The following EGFLAM variants were observed in gnomAD, a reference collection of about 807,000 sequenced individuals.
EGFLAM encodes the protein EGF like, fibronectin type III and laminin G domains.
A neutral mutation model predicts 113.1 loss-of-function variants in EGFLAM; 79 were observed. The ratio of observed to expected loss-of-function variants is 0.70; its 90% CI spans 0.58 to 0.84. The LOEUF is 0.84. Among genes scored for constraint, EGFLAM ranks in the 40% least tolerant of loss-of-function variants. The pLI is 0.00. For synonymous variants in EGFLAM, 504 were observed against 487.6 expected (o/e 1.03, Z -0.44); for missense variants, 1,265 against 1,291.6 (o/e 0.98, Z 0.32).
chr5:38,402,096 A>G (rs1011035738), intron 6 of EGFLAM: 2 of 152,192 alleles, frequency 1.3e-5, no homozygotes, highest in Admixed American at 1.3e-4. Context: ...GTGTAAGGAG[A>G]TAGGAGTGGG....
chr5:38,394,582 T>A (rs1740905470), intron 6 of EGFLAM, among the ~76,000 whole-genome samples: 1 of 151,924 alleles, frequency 6.6e-6, no homozygotes, highest in African/African-American at 2.4e-5. Context: ...GCTAATTTTT[T>A]GTATTTTTAG....
At chr5:38,383,939 A>G (rs1301745910) in intron 6 of EGFLAM, among the ~76,000 whole-genome samples, 1 of 152,082 alleles carries the variant, frequency 6.6e-6, no homozygotes, top group Non-Finnish European at 1.5e-5. Context: ...AATGATAGGA[A>G]GTGAGGTCAG....
intron 6 of EGFLAM, among the ~76,000 whole-genome samples, chr5:38,386,642 G>T (rs1160659987): frequency 6.6e-6 from 1 of 152,202 alleles, no homozygotes; most frequent in Non-Finnish European, 1.5e-5. Flanking sequence ...AAGTAGCTGG[G>T]ACTACAGGCA....
At chr5:38,389,709 C>A (rs997358184) in intron 6 of EGFLAM, among the ~76,000 whole-genome samples, 1 of 151,944 alleles carries the variant, frequency 6.6e-6, no homozygotes, top group African/African-American at 2.4e-5. Flanking sequence ...ATTTTTGTTT[C>A]CATTATTCTG....
rs1325976237 is a variant in EGFLAM, at chr5:38,451,426, C to T, written c.2655C>T (p.Ser885=). 6.2e-7 allele frequency: 1 copy of T among 1,614,096 alleles called. No homozygotes were observed. Among genetic ancestry groups the T allele is most frequent in the Non-Finnish European group, 8.5e-7 (1 of 1,180,050 alleles). ...TGAGACCCAACAGCGACTTCATTTC[C>T]TTGGGCCTTCGGGATGGAGCCCTCG... The part of the protein sequence containing the change: ...SPMRPNSDFI[S]LGLRDGALVF... Residue 885 remains serine (S), a synonymous_variant, in exon 19 of 22, where the codon TCC becomes TCT. Coordinates refer to ENST00000322350, the MANE Select transcript of EGFLAM (RefSeq NM_152403.4).
chr5:38,258,922 A>T, intron 1 of EGFLAM, 71 bp downstream of exon 1: 1 of 1,480,824 alleles, frequency 6.8e-7, no homozygotes, highest in Non-Finnish European at 9.1e-7. Flanking sequence ...GAGGACACAG[A>T]GCGGGCAGCG....
At chr5:38,385,772 C>G (rs1332861361) in intron 6 of EGFLAM, among the ~76,000 whole-genome samples, 1 of 152,170 alleles carries the variant, frequency 6.6e-6, no homozygotes, top group African/African-American at 2.4e-5. Context: ...CACTAATGGG[C>G]TTAAAATCTG....
intron 14 of EGFLAM, among the ~76,000 whole-genome samples, chr5:38,428,587 C>CT (rs1742090249): frequency 6.6e-6 from 1 of 152,216 alleles, no homozygotes; most frequent in Non-Finnish European, 1.5e-5. Context: ...TCACCTTGCA[C>CT]TTTTAAATGG....
Position 38,386,164 on chromosome 5 carries a change from G to A in EGFLAM, c.712+15702G>A, listed in dbSNP as rs542047527. ...ATGTAAGGATACTGAATAAAGTAAGGGTGTATTAGGTATGCAAGTTACCAA... is the reference window on the plus strand; with the variant it reads ...ATGTAAGGATACTGAATAAAGTAAGAGTGTATTAGGTATGCAAGTTACCAA... On this transcript the variant is annotated intron_variant, in intron 6 of 21. Coordinates refer to ENST00000322350, the MANE Select transcript of EGFLAM (RefSeq NM_152403.4). Among the ~76,000 whole-genome samples, 12 of 152,274 alleles carry A rather than the reference G, an allele frequency of 7.9e-5. No individual in the cohort carries two copies. The South Asian group carries it at 2.1e-3, about 26-fold the overall frequency.
At chr5:38,267,211 CTT>C (rs1233845844) in intron 1 of EGFLAM, among the ~76,000 whole-genome samples, 1 of 152,156 alleles carries the variant, frequency 6.6e-6, no homozygotes, top group African/African-American at 2.4e-5. Flanking sequence ...AATTTTAACA[CTT>C]GTGTTTGCTG....
intron 6 of EGFLAM, among the ~76,000 whole-genome samples, chr5:38,391,688 C>T (rs1026180946): frequency 2.6e-5 from 4 of 152,154 alleles, no homozygotes; most frequent in Admixed American, 6.6e-5. Context: ...TGAGCCACTG[C>T]GCCCGGCCTT....
At chr5:38,364,007 A>G (rs1275494088) in intron 5 of EGFLAM, among the ~76,000 whole-genome samples, 1 of 152,192 alleles carries the variant, frequency 6.6e-6, no homozygotes, top group Non-Finnish European at 1.5e-5. Flanking sequence ...AACTTTATTT[A>G]CTAAGACTGG....
chr5:38,259,937 A>C (rs1458540156), intron 1 of EGFLAM, among the ~76,000 whole-genome samples: 3 of 152,224 alleles, frequency 2.0e-5, no homozygotes, highest in Admixed American at 1.3e-4. Flanking sequence ...GAAACTCTCT[A>C]TCTGGAAATA....
At chr5:38,397,755 T>C (rs1740998638) in intron 6 of EGFLAM, among the ~76,000 whole-genome samples, 1 of 152,188 alleles carries the variant, frequency 6.6e-6, no homozygotes, top group Non-Finnish European at 1.5e-5. Context: ...ACATGCATCT[T>C]AGTGACCCAA....
intron 5 of EGFLAM, among the ~76,000 whole-genome samples, chr5:38,365,910 G>C (rs1347062544): frequency 6.6e-6 from 1 of 152,060 alleles, no homozygotes; most frequent in African/African-American, 2.4e-5. Flanking sequence ...ACCCAGTTTT[G>C]CTTTAATATA....
rs56040247 is a variant in EGFLAM at position 38,275,017 on chromosome 5, T to A, written c.97+16166T>A. ...AATCAAAGTTAAGTTGTTATTAGCTTAAAATAATCTGTTATAACTATAAGA... is the reference window on the plus strand; with the variant it reads ...AATCAAAGTTAAGTTGTTATTAGCTAAAAATAATCTGTTATAACTATAAGA... On this transcript the variant is annotated intron_variant, in intron 1 of 21. Coordinates refer to ENST00000322350, the MANE Select transcript of EGFLAM (RefSeq NM_152403.4). Among the ~76,000 whole-genome samples the A allele has an allele frequency of 6.8e-3, 1,030 of 152,314 alleles. 13 individuals are homozygous for A. The highest frequency in any genetic ancestry group is 0.024 in the African/African-American group (995 of 41,576).
chr5:38,369,569 C>T (rs1409227304), intron 5 of EGFLAM, among the ~76,000 whole-genome samples: 1 of 152,170 alleles, frequency 6.6e-6, no homozygotes, highest in Non-Finnish European at 1.5e-5. Context: ...TTATGGCAGT[C>T]CTCTTAGGTA....
At chr5:38,311,335 T>C (rs1403929305) in intron 1 of EGFLAM, among the ~76,000 whole-genome samples, 1 of 152,172 alleles carries the variant, frequency 6.6e-6, no homozygotes, top group Non-Finnish European at 1.5e-5. Context: ...TTGTATCCTT[T>C]GACCAGCATC....
chr5:38,431,874 ACCTGAT>A (rs1445588658), intron 15 of EGFLAM, among the ~76,000 whole-genome samples: 1 of 152,232 alleles, frequency 6.6e-6, no homozygotes, highest in Non-Finnish European at 1.5e-5. Flanking sequence ...ACACAACAGT[ACCTGAT>A]GCCAGGTCAG....
Sources: gnomAD v4.1 joint callset for allele counts (sites outside exome capture counted in the v4.1 genomes callset) on GRCh38, gnomAD v4.1.1 for gene constraint, MANE v1.5 for transcripts, NCBI Gene and HGNC (gene_info 2026-07-23, HGNC 2026-07-21) for gene names.